Variants in MYO10 observed in about 807,000 individuals in gnomAD.
MYO10 encodes myosin X.
A neutral mutation model predicts 257.3 loss-of-function variants in MYO10; 133 were observed. That is an observed-to-expected ratio of 0.52 (90% CI 0.45 to 0.60). MYO10 has a LOEUF of 0.60. Ranked by LOEUF, MYO10 falls within the 20% of genes least tolerant of loss-of-function variation. The pLI is 0.00. For missense variants in MYO10, 2,399 were observed against 2,635.7 expected (o/e 0.91, Z 1.97); for synonymous variants, 1,104 against 1,028.6 (o/e 1.07, Z -1.40).
chr5:16,918,793 G>T (rs1160424111), intron 1 of MYO10, among the ~76,000 whole-genome samples: 1 of 152,008 alleles, frequency 6.6e-6, no homozygotes, highest in Non-Finnish European at 1.5e-5. Context: ...GAGCCACCGC[G>T]CCTGGCCCAC....
chr5:16,793,604 T>A (rs1383015580), intron 4 of MYO10, among the ~76,000 whole-genome samples: 1 of 152,130 alleles, frequency 6.6e-6, no homozygotes, highest in Non-Finnish European at 1.5e-5. Flanking sequence ...AGTACAAGTG[T>A]GAGCCATTGT....
chr5:16,729,453 ATTT>A (rs1314577938), intron 19 of MYO10, among the ~76,000 whole-genome samples: 5 of 138,106 alleles, frequency 3.6e-5, no homozygotes, highest in African/African-American at 8.0e-5. Flanking sequence ...TGTATTTTCT[ATTT>A]TTTTTTTTTT....
At chr5:16,706,430 A>G (rs904366277) in intron 21 of MYO10, among the ~76,000 whole-genome samples, 1 of 152,192 alleles carries the variant, frequency 6.6e-6, no homozygotes, top group Non-Finnish European at 1.5e-5. Context: ...ACGTAGCAAA[A>G]GCAGTTTTCA....
intron 19 of MYO10, among the ~76,000 whole-genome samples, chr5:16,735,101 C>A (rs1234580627): frequency 6.6e-6 from 1 of 152,150 alleles, no homozygotes; most frequent in Non-Finnish European, 1.5e-5. Context: ...GTGTGGCCTC[C>A]CAGGACAGCC....
In MYO10 at chr5:16,935,506, C is replaced by A. The variant is rs150777896; in HGVS notation, c.21+282G>T. Reference sequence around the variant, plus strand: ...CCCCGGCGCGCGCCGCCTCACCTGGCGCGGGTGTCCCAGGGCGCCCCGAGA... The same window carrying A: ...CCCCGGCGCGCGCCGCCTCACCTGGAGCGGGTGTCCCAGGGCGCCCCGAGA... On this transcript the variant is annotated intron_variant, in intron 1 of 40. Coordinates refer to ENST00000513610, the MANE Select transcript of MYO10 (RefSeq NM_012334.3). Among the ~76,000 whole-genome samples, 370 of 152,186 alleles carry A rather than the reference C, an allele frequency of 2.4e-3. 1 individual carries two copies. The highest frequency in any genetic ancestry group is 8.6e-3 in the African/African-American group (356 of 41,532).
In MYO10 at chr5:16,932,734, C is replaced by T. The variant is rs568835439; in HGVS notation, c.21+3054G>A. On this transcript the variant is annotated intron_variant, in intron 1 of 40. Transcript: ENST00000513610. ...CTGGCACAAGCTTTGCAAGCTTCCC[C>T]CTGGCGCGCAGTAAGACACTATCTA... Among the ~76,000 whole-genome samples, 7 of 152,258 alleles carry T rather than the reference C, an allele frequency of 4.6e-5. No individual in the cohort carries two copies. The South Asian group carries it at 1.5e-3, about 32-fold the overall frequency.
chr5:16,822,295 C>T lies in MYO10; in HGVS notation c.121-4128G>A, dbSNP rs546043592. On this transcript the variant is annotated intron_variant, in intron 2 of 40. Transcript: ENST00000513610. ...AAAAAACGAGTCAAGCAAATAATTC[C>T]TATGAGGAAAAAATTTTAGAAATTT... Among the ~76,000 whole-genome samples the T allele has an allele frequency of 4.6e-5, 7 of 152,186 alleles. No homozygotes were observed. In the South Asian group the frequency reaches 1.5e-3, roughly 32 times the overall value.
chr5:16,867,120 C>T (rs1002412171), intron 2 of MYO10, among the ~76,000 whole-genome samples: 9 of 152,264 alleles, frequency 5.9e-5, no homozygotes, highest in Non-Finnish European at 1.3e-4. Flanking sequence ...GCTTCCCTAG[C>T]TGCTGGAACG....
Position 16,764,334 on chromosome 5 carries a change from G to C in MYO10, c.1242C>G (p.Ile414Met), listed in dbSNP as rs746217858. ...ALYACCFEWVIKKINSRIKGN... is the reference protein window; with the variant it reads ...ALYACCFEWVMKKINSRIKGN... ...CTTTGATCCTGCTGTTGATCTTCTT[G>C]ATTACCCACTCAAAGCAGCACGCAT... Residue 414 changes from isoleucine to methionine, a missense_variant, in exon 12 of 41, where the codon ATC becomes ATG. Ile to Met is a conservative substitution (Grantham distance 10, BLOSUM62 1). Coordinates refer to ENST00000513610, the MANE Select transcript of MYO10 (RefSeq NM_012334.3). The C allele has an allele frequency of 6.2e-7, 1 of 1,613,778 alleles. No individual in the cohort carries two copies. Among genetic ancestry groups the C allele is most frequent in the African/African-American group, 1.3e-5 (1 of 74,886 alleles).
At chr5:16,682,678 A>G (rs1015440846) in intron 30 of MYO10, among the ~76,000 whole-genome samples, 4 of 152,206 alleles carry the variant, frequency 2.6e-5, no homozygotes, top group African/African-American at 9.7e-5. Flanking sequence ...TCTTTCTTGC[A>G]AGTCTTCAAA....
intron 28 of MYO10, among the ~76,000 whole-genome samples, chr5:16,688,816 A>C (rs1250093630): frequency 6.6e-6 from 1 of 152,134 alleles, no homozygotes; most frequent in African/African-American, 2.4e-5. Flanking sequence ...GCAGACTCAC[A>C]AACTCACAAG....
At chr5:16,824,370 G>C (rs549719225) in intron 2 of MYO10, among the ~76,000 whole-genome samples, 85 of 152,202 alleles carry the variant, frequency 5.6e-4, no homozygotes, top group African/African-American at 2.0e-3. Context: ...ATTTGGGGGA[G>C]AGGAGAAGGG....
At chr5:16,760,864 C>T (rs535544388) in intron 17 of MYO10, among the ~76,000 whole-genome samples, 4 of 152,202 alleles carry the variant, frequency 2.6e-5, no homozygotes, top group East Asian at 1.9e-4. Context: ...CTTCAAGGCT[C>T]GGTTTCCTCA....
At chr5:16,714,514 T>G (rs1311736586) in intron 19 of MYO10, among the ~76,000 whole-genome samples, 3 of 152,024 alleles carry the variant, frequency 2.0e-5, no homozygotes, top group African/African-American at 7.2e-5. Context: ...GCAACAACAC[T>G]AGGAACAAGA....
At chr5:16,857,581 A>C (rs1217215985) in intron 2 of MYO10, among the ~76,000 whole-genome samples, 2 of 152,222 alleles carry the variant, frequency 1.3e-5, no homozygotes, top group Admixed American at 6.5e-5. Flanking sequence ...GCTGAATCAG[A>C]AGCTCTGGAT....
In MYO10 at chr5:16,868,327, G is replaced by A. The variant is rs973444585; in HGVS notation, c.120+9282C>T. Among the ~76,000 whole-genome samples the A allele has an allele frequency of 2.6e-5, 4 of 152,192 alleles. No homozygotes were observed. In the East Asian group the frequency reaches 7.7e-4, roughly 29 times the overall value. On this transcript the variant is annotated intron_variant, in intron 2 of 40. Coordinates refer to ENST00000513610, the MANE Select transcript of MYO10 (RefSeq NM_012334.3). ...GCTTTTAAAAATCTGCTCTTCAGCTGGGCACGGTGGCTCATGTCTGTAATC... is the reference window on the plus strand; with the variant it reads ...GCTTTTAAAAATCTGCTCTTCAGCTAGGCACGGTGGCTCATGTCTGTAATC...
chr5:16,797,167 G>A (rs750816062), intron 3 of MYO10, among the ~76,000 whole-genome samples: 4 of 152,102 alleles, frequency 2.6e-5, no homozygotes, highest in Admixed American at 6.5e-5. Context: ...TCACTAATCC[G>A]AAAACCAAAA....
intron 33 of MYO10, among the ~76,000 whole-genome samples, chr5:16,677,501 C>T (rs1232711999): frequency 2.0e-5 from 3 of 146,394 alleles, no homozygotes; most frequent in Non-Finnish European, 4.5e-5. Flanking sequence ...GTGCAAGCTC[C>T]GCCTCCCGGG....
chr5:16,705,033 T>C (rs538515841), intron 21 of MYO10, among the ~76,000 whole-genome samples: 2 of 152,332 alleles, frequency 1.3e-5, no homozygotes, highest in African/African-American at 4.8e-5. Flanking sequence ...GAATAGTTCA[T>C]GGACCAGCAT....
Sources: allele counts gnomAD v4.1 joint callset (sites outside exome capture counted in the v4.1 genomes callset), GRCh38; gene constraint gnomAD v4.1.1; transcripts MANE v1.5; gene names NCBI Gene and HGNC (gene_info 2026-07-23, HGNC 2026-07-21).